Variants in PRR16 observed in about 807,000 individuals in gnomAD.
PRR16 encodes proline rich 16, also known as protein Largen.
Under a neutral mutation model 18.2 loss-of-function variants are expected in PRR16, and 6 were observed. The observed-to-expected ratio is 0.33, with a 90% CI of 0.18 to 0.65. PRR16 has a LOEUF of 0.65. Among genes scored for constraint, PRR16 ranks in the 30% least tolerant of loss-of-function variants. The pLI is 0.74. For synonymous variants in PRR16, 151 were observed against 147.8 expected (o/e 1.02, Z -0.16); for missense variants, 412 against 376.6 (o/e 1.09, Z -0.78).
At chr5:120,562,396 G>A (rs1752603600) in intron 1 of PRR16, among the ~76,000 whole-genome samples, 1 of 151,886 alleles carries the variant, frequency 6.6e-6, no homozygotes, top group South Asian at 2.1e-4. Context: ...ATATCTTGTA[G>A]GCAACAGATT....
the PRR16 span, among the ~76,000 whole-genome samples, chr5:120,706,498 T>C: frequency 6.6e-6 from 1 of 152,172 alleles, no homozygotes; most frequent in African/African-American, 2.4e-5. Context: ...GGAATTTTTT[T>C]AAGTTGTTCA....
At chr5:120,585,847 A>G (rs568604971) in intron 1 of PRR16, among the ~76,000 whole-genome samples, 1 of 152,134 alleles carries the variant, frequency 6.6e-6, no homozygotes, top group African/African-American at 2.4e-5. Flanking sequence ...TGTTATCTTG[A>G]AGTTTATTTA....
the PRR16 span, among the ~76,000 whole-genome samples, chr5:120,776,149 T>G: frequency 6.6e-6 from 1 of 152,116 alleles, no homozygotes; most frequent in Non-Finnish European, 1.5e-5. Flanking sequence ...TTTCTCGTCA[T>G]CATTGGATAT....
Position 120,686,747 on chromosome 5 carries a change from T to C in PRR16, c.*38T>C, listed in dbSNP as rs373114401. 152 of 1,355,444 alleles carry C rather than the reference T, an allele frequency of 1.1e-4. No homozygotes were observed. The highest frequency in any genetic ancestry group is 1.4e-4 in the Non-Finnish European group (146 of 1,032,734). The allele number at this position is 1,355,444 out of a possible 1,614,324, so 84.0% of individuals were successfully genotyped here. On this transcript the variant is annotated 3_prime_UTR_variant, in exon 2 of 2. Coordinates refer to ENST00000407149, the MANE Select transcript of PRR16 (RefSeq NM_001300783.2). ...AAAAAATTGTTTTTTTAATTTTCTA[T>C]ATTATAAACATAAAATAAGTAATGA... is the stretch of plus-strand genomic sequence containing the variant.
chr5:120,490,698 A>G (rs928129584), intron 1 of PRR16, among the ~76,000 whole-genome samples: 39 of 152,288 alleles, frequency 2.6e-4, no homozygotes, highest in Non-Finnish European at 3.4e-4. Context: ...CTGGTGAGGA[A>G]CTGCGTTCCT....
chr5:120,514,899 TCC>T (rs964856044), intron 1 of PRR16, among the ~76,000 whole-genome samples: 1 of 152,218 alleles, frequency 6.6e-6, no homozygotes, highest in African/African-American at 2.4e-5. Context: ...TCGAAATTCT[TCC>T]AATTTGTATC....
At chr5:120,700,648 T>C in the PRR16 span, among the ~76,000 whole-genome samples, 2 of 151,892 alleles carry the variant, frequency 1.3e-5, no homozygotes, top group Non-Finnish European at 2.9e-5. Flanking sequence ...TGGGGAGTTT[T>C]AAGAGGTTTA....
chr5:120,617,192 G>A (rs776956344), intron 1 of PRR16: 44 of 984,616 alleles, frequency 4.5e-5, no homozygotes, highest in Non-Finnish European at 4.7e-5. Context: ...TGCCCAAGAA[G>A]GTCAGCCCCA....
the PRR16 span, among the ~76,000 whole-genome samples, chr5:120,730,949 A>C: frequency 1.6e-4 from 24 of 152,132 alleles, no homozygotes; most frequent in African/African-American, 4.8e-4. Context: ...AAAACTGTTC[A>C]TATGGTCATT....
At chr5:120,580,024 C>A (rs1455707797) in intron 1 of PRR16, among the ~76,000 whole-genome samples, 1 of 152,114 alleles carries the variant, frequency 6.6e-6, no homozygotes, top group East Asian at 1.9e-4. Context: ...CATGATTTGG[C>A]TCTGTACTTG....
chr5:120,791,616 TATCTATCCATCCATCTATC>T, the PRR16 span, among the ~76,000 whole-genome samples: 1 of 149,402 alleles, frequency 6.7e-6, no homozygotes, highest in Non-Finnish European at 1.5e-5. Flanking sequence ...TCTATCTATC[TATCTATCCATCCATCTATC>T]ATCTATCTAT....
the PRR16 span, among the ~76,000 whole-genome samples, chr5:120,791,764 CA>C: frequency 6.6e-6 from 1 of 151,900 alleles, no homozygotes; most frequent in African/African-American, 2.4e-5. Context: ...TTGCTTATAA[CA>C]ATTAAAAGAA....
intron 1 of PRR16, among the ~76,000 whole-genome samples, chr5:120,524,411 G>A (rs1163466043): frequency 2.0e-5 from 3 of 151,970 alleles, no homozygotes; most frequent in East Asian, 1.9e-4. Flanking sequence ...ATGATTGAAC[G>A]GATTTTGATG....
chr5:120,786,980 A>C, the PRR16 span, among the ~76,000 whole-genome samples: 1 of 152,130 alleles, frequency 6.6e-6, no homozygotes, highest in South Asian at 2.1e-4. Flanking sequence ...AAGTGAGTAA[A>C]ACTTATATGG....
intron 1 of PRR16, among the ~76,000 whole-genome samples, chr5:120,585,408 G>A (rs1387996507): frequency 6.6e-6 from 1 of 152,090 alleles, no homozygotes; most frequent in South Asian, 2.1e-4. Flanking sequence ...TCAGGAGTTC[G>A]AGACCAACCT....
At chr5:120,643,496 A>T (rs2150126495) in intron 1 of PRR16, among the ~76,000 whole-genome samples, 1 of 152,252 alleles carries the variant, frequency 6.6e-6, no homozygotes, top group Non-Finnish European at 1.5e-5. Context: ...TCATTGTTTT[A>T]TTTTGGTCAA....
the PRR16 span, among the ~76,000 whole-genome samples, chr5:120,729,206 TA>T: frequency 5.5e-4 from 83 of 152,242 alleles, 1 homozygote; most frequent in African/African-American, 1.9e-3. Flanking sequence ...AAGGACTCAA[TA>T]TTTTTTTTAT....
At chr5:120,617,034 GT>G (rs2112814371) in intron 1 of PRR16, 1 of 832,460 alleles carries the variant, frequency 1.2e-6, no homozygotes, top group East Asian at 1.2e-4. Flanking sequence ...CCAGTCCAGT[GT>G]TTTTTGGAAA....
Position 120,486,235 on chromosome 5 carries a change from A to G in PRR16, c.159+21590A>G, listed in dbSNP as rs182202176. 3.6e-3 allele frequency among the ~76,000 whole-genome samples: 544 copies of G among 152,316 alleles called. 4 individuals are homozygous for G. The highest frequency in any genetic ancestry group is 0.01 in the Middle Eastern group (3 of 294). On this transcript the variant is annotated intron_variant, in intron 1 of 1. Coordinates refer to ENST00000407149, the MANE Select transcript of PRR16 (RefSeq NM_001300783.2). Reference sequence around the variant, plus strand: ...CTGAAGAATCGCCACACTGACTTCCACAGTGGTTGAACTAGTTTACAGTTC... The same window carrying G: ...CTGAAGAATCGCCACACTGACTTCCGCAGTGGTTGAACTAGTTTACAGTTC...
Sources: gnomAD v4.1 joint callset for allele counts (sites outside exome capture counted in the v4.1 genomes callset) on GRCh38, gnomAD v4.1.1 for gene constraint, MANE v1.5 for transcripts, NCBI Gene and HGNC (gene_info 2026-07-23, HGNC 2026-07-21) for gene names.